Variants in GUCY1A2 observed in about 807,000 individuals in gnomAD.
GUCY1A2 encodes guanylate cyclase soluble subunit alpha-2.
A neutral mutation model predicts 63.5 loss-of-function variants in GUCY1A2; 27 were observed. The ratio of observed to expected loss-of-function variants is 0.43; its 90% CI spans 0.31 to 0.59. The LOEUF is 0.59. Ranked by LOEUF, GUCY1A2 falls within the 20% of genes least tolerant of loss-of-function variation. The pLI is 0.11. For missense variants in GUCY1A2, 768 were observed against 913.3 expected (o/e 0.84, Z 2.05); for synonymous variants, 364 against 343.5 (o/e 1.06, Z -0.66).
chr11:106,729,061 T>C (rs1011302495), intron 6 of GUCY1A2, among the ~76,000 whole-genome samples: 1 of 152,188 alleles, frequency 6.6e-6, no homozygotes. Context: ...GTGCTAGGTA[T>C]AGAGGAATAA....
intron 4 of GUCY1A2, among the ~76,000 whole-genome samples, chr11:106,885,242 C>T (rs921344318): frequency 2.6e-5 from 4 of 152,104 alleles, no homozygotes; most frequent in African/African-American, 9.7e-5. Flanking sequence ...TTATTTTGTA[C>T]AATGAATGTG....
At chr11:106,945,759 G>T (rs1281172180) in intron 3 of GUCY1A2, among the ~76,000 whole-genome samples, 1 of 152,212 alleles carries the variant, frequency 6.6e-6, no homozygotes, top group South Asian at 2.1e-4. Context: ...GAGGTCAGGA[G>T]TTCGAGACCA....
Position 106,939,855 on chromosome 11 carries a change from C to A in GUCY1A2, c.811G>T (p.Val271Phe). 1.2e-6 allele frequency: 2 copies of A among 1,614,122 alleles called. No homozygotes were observed. The highest frequency in any genetic ancestry group is 1.7e-6 in the Non-Finnish European group (2 of 1,179,976). Residue 271 changes from valine to phenylalanine, a missense_variant, in exon 4 of 8, where the codon GTT becomes TTT. Physicochemically the swap from Val to Phe is conservative, Grantham distance 50 (BLOSUM62 -1). Transcript: ENST00000526355. ...IYRLDVEVEQ[V>F]ANEKLCSDVS... ...TCAGAGCATAGCTTCTCATTTGCAA[C>A]CTGTTCCACTTCCACATCCAGCCGA...
intron 3 of GUCY1A2, among the ~76,000 whole-genome samples, chr11:106,970,139 G>A (rs1861175461): frequency 6.6e-6 from 1 of 152,148 alleles, no homozygotes; most frequent in Non-Finnish European, 1.5e-5. Context: ...CAGGCAAGCT[G>A]GGGGTTAGGA....
chr11:106,714,146 TTATTATAACC>T (rs1863176225), intron 6 of GUCY1A2, among the ~76,000 whole-genome samples: 4 of 152,008 alleles, frequency 2.6e-5, no homozygotes, highest in Admixed American at 2.6e-4. Flanking sequence ...GAATTATAAT[TTATTATAACC>T]CGAAAAATGC....
intron 5 of GUCY1A2, among the ~76,000 whole-genome samples, chr11:106,805,306 C>T (rs957194227): frequency 1.3e-5 from 2 of 150,874 alleles, no homozygotes; most frequent in African/African-American, 2.4e-5. Context: ...AATGCAGTGG[C>T]GTGATCTCAG....
intron 5 of GUCY1A2, among the ~76,000 whole-genome samples, chr11:106,797,725 C>A (rs1177285891): frequency 6.6e-6 from 1 of 152,072 alleles, no homozygotes; most frequent in Non-Finnish European, 1.5e-5. Flanking sequence ...CCAGTGAGAA[C>A]AAAGACACAA....
At chr11:106,688,332 G>A (rs77489873) in intron 7 of GUCY1A2, among the ~76,000 whole-genome samples, 4,913 of 152,150 alleles carry the variant, frequency 0.032, 121 homozygotes, top group South Asian at 0.076. Flanking sequence ...TAGCATTATT[G>A]GTTAAACAGC....
chr11:106,974,722 T>C (rs556188410), intron 3 of GUCY1A2, among the ~76,000 whole-genome samples: 1 of 152,250 alleles, frequency 6.6e-6, no homozygotes, highest in African/African-American at 2.4e-5. Flanking sequence ...CTGACTTAAA[T>C]GTGTTACATT....
intron 6 of GUCY1A2, among the ~76,000 whole-genome samples, chr11:106,731,350 A>ATTTC (rs1395986871): frequency 2.4e-4 from 36 of 152,328 alleles, no homozygotes; most frequent in Non-Finnish European, 4.7e-4. Context: ...TTCATGTTAA[A>ATTTC]AACCTCAACA....
chr11:106,758,330 G>A (rs1039377970), intron 6 of GUCY1A2, among the ~76,000 whole-genome samples: 1 of 152,238 alleles, frequency 6.6e-6, no homozygotes, highest in Non-Finnish European at 1.5e-5. Flanking sequence ...CTCCTGGTCT[G>A]CTGGTTGCGA....
In GUCY1A2 at chr11:106,685,171, T is replaced by C. The variant is rs917860674; in HGVS notation, c.*2378A>G. The C allele has an allele frequency of 4.9e-6, 1 of 205,180 alleles. No homozygotes were observed. The highest frequency in any genetic ancestry group is 2.3e-5 in the African/African-American group (1 of 43,824). The allele number at this position is 205,180 out of a possible 1,614,324, so 12.7% of individuals were successfully genotyped here. On this transcript the variant is annotated 3_prime_UTR_variant, in exon 8 of 8. Transcript: ENST00000526355. ...TAGTTGACATCCTGTCAGTGATAAA[T>C]AAGAAATCTCTGGCACGTTCTTCAT...
rs1861858601 is a variant in GUCY1A2, at chr11:107,018,325, TGCTCGCGCGGCGCCGCCTCAGC to T, written c.-292_-271del. 6.8e-6 allele frequency: 1 copy of T among 146,374 alleles called. No individual in the cohort carries two copies. The highest frequency in any genetic ancestry group is 1.5e-5 in the Non-Finnish European group (1 of 65,960). The allele number at this position is 146,374 out of a possible 1,614,324, so 9.1% of individuals were successfully genotyped here. ...TGGGGGCCGCCGCCGCCTCTGCTGCTGCTCGCGCGGCGCCGCCTCAGCGCCCGCCTCGGCGCATCGCCGTGCG... is the reference window on the plus strand; with the variant it reads ...TGGGGGCCGCCGCCGCCTCTGCTGCTGCCCGCCTCGGCGCATCGCCGTGCG... On this transcript the variant is annotated 5_prime_UTR_variant, in exon 1 of 8. An upstream open reading frame in the 5' UTR loses its in-frame stop. Transcript: ENST00000526355.
At chr11:106,865,907 T>A (rs1387478539) in intron 4 of GUCY1A2, among the ~76,000 whole-genome samples, 1 of 151,426 alleles carries the variant, frequency 6.6e-6, no homozygotes, top group East Asian at 1.9e-4. Flanking sequence ...TATAATTATA[T>A]AAAAATGCAT....
intron 6 of GUCY1A2, among the ~76,000 whole-genome samples, chr11:106,716,971 G>C (rs1000917657): frequency 6.6e-6 from 1 of 152,042 alleles, no homozygotes; most frequent in Non-Finnish European, 1.5e-5. Flanking sequence ...TCCGCTTGTA[G>C]AGCCTGAGGA....
intron 6 of GUCY1A2, among the ~76,000 whole-genome samples, chr11:106,731,521 A>G (rs1399335226): frequency 6.6e-6 from 1 of 151,988 alleles, no homozygotes; most frequent in African/African-American, 2.4e-5. Flanking sequence ...AGATAGTACT[A>G]GAAGTCCTGG....
intron 6 of GUCY1A2, among the ~76,000 whole-genome samples, chr11:106,726,428 AAAAC>A (rs1863409528): frequency 6.6e-6 from 1 of 152,150 alleles, no homozygotes; most frequent in Non-Finnish European, 1.5e-5. Context: ...GAACAAAACA[AAAAC>A]AAAAACCACA....
chr11:106,998,482 T>C (rs1861569507), intron 1 of GUCY1A2, among the ~76,000 whole-genome samples: 1 of 152,224 alleles, frequency 6.6e-6, no homozygotes, highest in South Asian at 2.1e-4. Context: ...AGTAAGCATG[T>C]GCATATATTC....
intron 3 of GUCY1A2, among the ~76,000 whole-genome samples, chr11:106,972,014 G>A (rs1861201631): frequency 6.6e-6 from 1 of 152,096 alleles, no homozygotes; most frequent in Non-Finnish European, 1.5e-5. Flanking sequence ...ACATACCAAA[G>A]CAAACAGGAA....
Sources: gnomAD v4.1 joint callset for allele counts (sites outside exome capture counted in the v4.1 genomes callset) on GRCh38, gnomAD v4.1.1 for gene constraint, MANE v1.5 for transcripts, NCBI Gene and HGNC (gene_info 2026-07-23, HGNC 2026-07-21) for gene names.